LINGO2: variants seen among roughly 807,000 people sequenced by gnomAD.
LINGO2 encodes leucine rich repeat and Ig domain containing 2, also known as leucine-rich repeat and immunoglobulin-like domain-containing nogo receptor-interacting protein 2.
A neutral mutation model predicts 30.6 loss-of-function variants in LINGO2; 14 were observed. That is an observed-to-expected ratio of 0.46 (90% CI 0.30 to 0.72). The LOEUF (loss-of-function observed/expected upper bound fraction) is 0.72, where lower values mean the gene tolerates loss of function less well. Ranked by LOEUF, LINGO2 falls within the 30% of genes least tolerant of loss-of-function variation. The pLI, the probability that LINGO2 is intolerant of heterozygous loss-of-function variation, is 0.07. For synonymous variants in LINGO2, 317 were observed against 288.5 expected (o/e 1.10, Z -1.00); for missense variants, 729 against 751.7 (o/e 0.97, Z 0.35).
At chr9:28,455,281 A>G (rs1824803415) in intron 2 of LINGO2, among the ~76,000 whole-genome samples, 1 of 152,058 alleles carries the variant, frequency 6.6e-6, no homozygotes, top group African/African-American at 2.4e-5. Context: ...ACTCTAATAT[A>G]CTAGATTATT....
chr9:28,240,593 C>T (rs1004310159), intron 4 of LINGO2, among the ~76,000 whole-genome samples: 2 of 152,078 alleles, frequency 1.3e-5, no homozygotes, highest in African/African-American at 4.8e-5. Context: ...TATCTATATG[C>T]AGAAGAATGA....
chr9:28,500,330 A>G (rs935441643), intron 1 of LINGO2, among the ~76,000 whole-genome samples: 1 of 152,168 alleles, frequency 6.6e-6, no homozygotes, highest in African/African-American at 2.4e-5. Flanking sequence ...TGTCTTTGTA[A>G]TCAGAAGCTG....
the LINGO2 span, among the ~76,000 whole-genome samples, chr9:29,125,431 A>AT: frequency 0.042 from 6,172 of 146,186 alleles, 189 homozygotes; most frequent in Admixed American, 0.082. Flanking sequence ...TAAAATTTAA[A>AT]AATATATATA....
the LINGO2 span, among the ~76,000 whole-genome samples, chr9:28,986,370 T>C: frequency 6.6e-6 from 1 of 152,066 alleles, no homozygotes; most frequent in Admixed American, 6.6e-5. Flanking sequence ...TTTTTGAGAA[T>C]TCCAAATGAA....
At chr9:28,866,001 T>C in the LINGO2 span, among the ~76,000 whole-genome samples, 1 of 152,142 alleles carries the variant, frequency 6.6e-6, no homozygotes, top group African/African-American at 2.4e-5. Context: ...TAGCACTCTA[T>C]GTTAGTCGGG....
chr9:28,397,005 C>G (rs1191712527), intron 2 of LINGO2, among the ~76,000 whole-genome samples: 1 of 152,102 alleles, frequency 6.6e-6, no homozygotes, highest in Non-Finnish European at 1.5e-5. Context: ...CACTCCTTTA[C>G]TAATCATAAT....
At chr9:28,595,339 C>G (rs553817733) in intron 1 of LINGO2, among the ~76,000 whole-genome samples, 1 of 152,118 alleles carries the variant, frequency 6.6e-6, no homozygotes, top group Non-Finnish European at 1.5e-5. Flanking sequence ...CTTTTTCCAT[C>G]TAGTACCTAT....
chr9:29,074,128 G>C, the LINGO2 span, among the ~76,000 whole-genome samples: 11 of 152,004 alleles, frequency 7.2e-5, no homozygotes, highest in Non-Finnish European at 1.0e-4. Context: ...TATTATCCAA[G>C]TAGCCTTATA....
chr9:28,002,407 T>C (rs1822006849), intron 5 of LINGO2, among the ~76,000 whole-genome samples: 2 of 152,188 alleles, frequency 1.3e-5, no homozygotes, highest in African/African-American at 4.8e-5. Flanking sequence ...TGCCAATTTA[T>C]TTATTTTTCT....
At chr9:28,010,852 G>T (rs565296346) in intron 5 of LINGO2, among the ~76,000 whole-genome samples, 1 of 152,302 alleles carries the variant, frequency 6.6e-6, no homozygotes, top group African/African-American at 2.4e-5. Flanking sequence ...CTACTGGGGA[G>T]GCCGAGGTGG....
the LINGO2 span, among the ~76,000 whole-genome samples, chr9:28,915,421 C>T: frequency 5.3e-5 from 8 of 152,024 alleles, no homozygotes; most frequent in East Asian, 1.9e-4. Context: ...TGAGAATCTA[C>T]CTTAGTAACA....
the LINGO2 span, among the ~76,000 whole-genome samples, chr9:28,876,713 G>A: frequency 1.6e-4 from 25 of 151,958 alleles, no homozygotes; most frequent in Admixed American, 1.2e-3. Flanking sequence ...ATAAACATAC[G>A]TGTGCAGGTG....
chr9:29,149,033 G>C, the LINGO2 span, among the ~76,000 whole-genome samples: 1 of 152,094 alleles, frequency 6.6e-6, no homozygotes, highest in South Asian at 2.1e-4. Flanking sequence ...ATTATCGGTT[G>C]TCACAGAGGA....
At chr9:28,518,666 A>G (rs1364498579) in intron 1 of LINGO2, among the ~76,000 whole-genome samples, 2 of 152,216 alleles carry the variant, frequency 1.3e-5, no homozygotes, top group Non-Finnish European at 2.9e-5. Flanking sequence ...AAGCTCCTCC[A>G]TATAATTTAA....
the LINGO2 span, among the ~76,000 whole-genome samples, chr9:29,114,234 T>C: frequency 1.9e-3 from 285 of 151,864 alleles, 1 homozygote; most frequent in African/African-American, 6.6e-3. Context: ...TGGCTTCAAG[T>C]ATGTATCTAT....
At chr9:28,522,231 C>T (rs1378405062) in intron 1 of LINGO2, among the ~76,000 whole-genome samples, 1 of 152,134 alleles carries the variant, frequency 6.6e-6, no homozygotes, top group East Asian at 1.9e-4. Flanking sequence ...AAGGTGATCT[C>T]ACATTAGTAG....
At chr9:28,824,033 G>C in the LINGO2 span, among the ~76,000 whole-genome samples, 2 of 152,166 alleles carry the variant, frequency 1.3e-5, no homozygotes, top group South Asian at 2.1e-4. Flanking sequence ...ACATGGAACA[G>C]AGTAAAGCAA....
chr9:28,031,201 T>C (rs761324319), intron 4 of LINGO2, among the ~76,000 whole-genome samples: 1 of 152,098 alleles, frequency 6.6e-6, no homozygotes, highest in Non-Finnish European at 1.5e-5. Flanking sequence ...ATAAAGGATG[T>C]GATTTCTCTG....
chr9:28,359,024 C>G (rs1378845684), intron 3 of LINGO2, among the ~76,000 whole-genome samples: 8 of 152,112 alleles, frequency 5.3e-5, no homozygotes, highest in African/African-American at 1.9e-4. Flanking sequence ...AGGAGAATCA[C>G]AGGATGCAAA....
Sources: gnomAD v4.1 joint callset for allele counts (sites outside exome capture counted in the v4.1 genomes callset) on GRCh38, gnomAD v4.1.1 for gene constraint, MANE v1.5 for transcripts, NCBI Gene and HGNC (gene_info 2026-07-23, HGNC 2026-07-21) for gene names.